Variants in RNGTT observed in about 807,000 individuals in gnomAD.
The protein encoded by RNGTT is RNA guanylyltransferase and 5'-phosphatase.
In RNGTT, 33 loss-of-function variants were observed where a neutral mutation model predicts 79.3. The ratio of observed to expected loss-of-function variants is 0.42; its 90% CI spans 0.32 to 0.56. The LOEUF (loss-of-function observed/expected upper bound fraction) is 0.56. RNGTT is among the 20% of genes least tolerant of loss of function. The pLI is 0.17. For missense variants in RNGTT, 497 were observed against 739.1 expected (o/e 0.67, Z 3.80); for synonymous variants, 222 against 235.9 (o/e 0.94, Z 0.54).
chr6:88,803,800 T>C (rs1284960626), intron 11 of RNGTT, among the ~76,000 whole-genome samples: 2 of 152,108 alleles, frequency 1.3e-5, no homozygotes, highest in East Asian at 3.9e-4. Context: ...ATTCATGTAA[T>C]GGACCATGCC....
chr6:88,842,162 TA>T (rs1239475973), intron 11 of RNGTT, among the ~76,000 whole-genome samples: 1 of 151,640 alleles, frequency 6.6e-6, no homozygotes, highest in Admixed American at 6.6e-5. Context: ...AAAAACAAAT[TA>T]AAAGGTGGGT....
chr6:88,936,222 C>T (rs918800836), intron 2 of RNGTT, among the ~76,000 whole-genome samples: 1 of 152,236 alleles, frequency 6.6e-6, no homozygotes, highest in Non-Finnish European at 1.5e-5. Flanking sequence ...GTGTGACCCA[C>T]TGTCCAGCCT....
At chr6:88,907,735 C>CTTTTT (rs34378893) in intron 4 of RNGTT, among the ~76,000 whole-genome samples, 4 of 125,420 alleles carry the variant, frequency 3.2e-5, no homozygotes, top group African/African-American at 8.7e-5. Flanking sequence ...TAAGCTGTAT[C>CTTTTT]TTTTTTTTTT....
At chr6:88,841,738 G>A (rs1781299890) in intron 11 of RNGTT, among the ~76,000 whole-genome samples, 1 of 152,152 alleles carries the variant, frequency 6.6e-6, no homozygotes, top group African/African-American at 2.4e-5. Context: ...TATAAAAAGA[G>A]CAAATGCCTC....
intron 12 of RNGTT, among the ~76,000 whole-genome samples, chr6:88,800,731 A>G (rs1487877555): frequency 1.3e-5 from 2 of 152,310 alleles, no homozygotes; most frequent in East Asian, 3.9e-4. Context: ...GGTGGTGCTA[A>G]TCCTCCTCTA....
At chr6:88,742,636 T>C (rs531908184) in intron 13 of RNGTT, among the ~76,000 whole-genome samples, 18 of 152,290 alleles carry the variant, frequency 1.2e-4, no homozygotes, top group African/African-American at 4.1e-4. Flanking sequence ...CCCAGATCTA[T>C]TGACAAGGCT....
chr6:88,923,404 A>C (rs1295685678), intron 4 of RNGTT, among the ~76,000 whole-genome samples: 1 of 152,164 alleles, frequency 6.6e-6, no homozygotes, highest in Non-Finnish European at 1.5e-5. Flanking sequence ...GAGAAATACC[A>C]CCATGTTCTC....
At chr6:88,622,888 G>A (rs1025697738) in intron 14 of RNGTT, among the ~76,000 whole-genome samples, 3 of 152,028 alleles carry the variant, frequency 2.0e-5, no homozygotes, top group Non-Finnish European at 4.4e-5. Context: ...TCTGATCTTT[G>A]GAATGTAGTC....
chr6:88,894,678 C>T (rs894040461), intron 6 of RNGTT, among the ~76,000 whole-genome samples: 2 of 152,174 alleles, frequency 1.3e-5, no homozygotes, highest in African/African-American at 4.8e-5. Context: ...CTACAGCTGA[C>T]TACCTTCATT....
At chr6:88,961,321 GTA>G (rs1454314291) in intron 1 of RNGTT, among the ~76,000 whole-genome samples, 1 of 152,004 alleles carries the variant, frequency 6.6e-6, no homozygotes, top group Non-Finnish European at 1.5e-5. Flanking sequence ...CTTTACGTCT[GTA>G]TGTGTGTGTG....
chr6:88,692,357 T>G (rs1057506442), intron 13 of RNGTT, among the ~76,000 whole-genome samples: 2 of 152,132 alleles, frequency 1.3e-5, no homozygotes, highest in African/African-American at 4.8e-5. Context: ...AGCAATTTAT[T>G]CATAATAGCC....
chr6:88,853,875 T>G (rs1471066040), intron 8 of RNGTT, 111 bp from the exon 9 acceptor site: 1 of 573,264 alleles, frequency 1.7e-6, no homozygotes, highest in Non-Finnish European at 3.0e-6. Context: ...AGACTAATGT[T>G]CACTGGAGTC....
intron 13 of RNGTT, among the ~76,000 whole-genome samples, chr6:88,700,335 T>C (rs576192545): frequency 6.6e-6 from 1 of 152,278 alleles, no homozygotes; most frequent in South Asian, 2.1e-4. Flanking sequence ...ATGGAGAACA[T>C]CCAATCTTGA....
intron 8 of RNGTT, among the ~76,000 whole-genome samples, chr6:88,873,186 C>T (rs1782409759): frequency 6.6e-6 from 1 of 152,156 alleles, no homozygotes; most frequent in Non-Finnish European, 1.5e-5. Context: ...ACAAACCCAG[C>T]CCACATTCAT....
intron 14 of RNGTT, among the ~76,000 whole-genome samples, chr6:88,646,164 C>A (rs1431654908): frequency 3.3e-5 from 5 of 152,114 alleles, no homozygotes; most frequent in Non-Finnish European, 5.9e-5. Flanking sequence ...AAACAAACAA[C>A]CCCATCAAAA....
At chr6:88,617,696 G>T (rs1015259245) in intron 14 of RNGTT, among the ~76,000 whole-genome samples, 1 of 152,130 alleles carries the variant, frequency 6.6e-6, no homozygotes, top group Non-Finnish European at 1.5e-5. Flanking sequence ...TGAATTTTAA[G>T]ATAGTTTTTT....
chr6:88,700,064 C>A (rs1336141995), intron 13 of RNGTT, among the ~76,000 whole-genome samples: 2 of 152,050 alleles, frequency 1.3e-5, no homozygotes, highest in Admixed American at 1.3e-4. Context: ...GGTTTCAATG[C>A]TGAATAGTAG....
At chr6:88,861,846 A>G (rs1287063385) in intron 8 of RNGTT, among the ~76,000 whole-genome samples, 1 of 152,146 alleles carries the variant, frequency 6.6e-6, no homozygotes, top group Non-Finnish European at 1.5e-5. Context: ...TAAACTTCTT[A>G]TGTTACAATG....
intron 13 of RNGTT, among the ~76,000 whole-genome samples, chr6:88,679,455 A>G (rs1054146818): frequency 5.9e-5 from 9 of 152,232 alleles, no homozygotes; most frequent in Non-Finnish European, 1.3e-4. Context: ...CAAATTAACC[A>G]TGAAGAATTT....
Sources: gnomAD v4.1 joint callset for allele counts (sites outside exome capture counted in the v4.1 genomes callset) on GRCh38, gnomAD v4.1.1 for gene constraint, MANE v1.5 for transcripts, NCBI Gene and HGNC (gene_info 2026-07-23, HGNC 2026-07-21) for gene names.